The following PHTF2 variants were observed in gnomAD, a reference collection of about 807,000 sequenced individuals.
The protein encoded by PHTF2 is protein PHTF2.
PHTF2 carries 60 observed loss-of-function variants against 101.2 expected under a neutral mutation model. That is an observed-to-expected ratio of 0.59 (90% CI 0.48 to 0.73). The LOEUF is 0.73. PHTF2 is among the 30% of genes least tolerant of loss of function. PHTF2 has a pLI of 0.00. For missense variants in PHTF2, 747 were observed against 908.7 expected, an observed-to-expected ratio of 0.82 and a Z score of 2.29; for synonymous variants, 311 against 307.3, an observed-to-expected ratio of 1.01 and a Z score of -0.13.
chr7:77,823,165 A>G (rs1167514977), intron 1 of PHTF2, among the ~76,000 whole-genome samples: 1 of 151,182 alleles, frequency 6.6e-6, no homozygotes, highest in Non-Finnish European at 1.5e-5. Flanking sequence ...CGGCCTCCCA[A>G]AGTGCTGGGA....
At chr7:77,854,851 C>T in intron 3 of PHTF2, 2 of 752,914 alleles carry the variant, frequency 2.7e-6, no homozygotes, top group Non-Finnish European at 4.9e-6. Flanking sequence ...AATGCCAGGC[C>T]TGTTCTCTCT....
At chr7:77,952,628 T>A (rs946683668) in intron 18 of PHTF2, among the ~76,000 whole-genome samples, 6 of 152,204 alleles carry the variant, frequency 3.9e-5, no homozygotes, top group African/African-American at 1.4e-4. Context: ...TTGTGTTTGC[T>A]TGACACATGT....
intron 3 of PHTF2, among the ~76,000 whole-genome samples, chr7:77,892,844 G>A (rs992142891): frequency 6.6e-6 from 1 of 152,172 alleles, no homozygotes; most frequent in African/African-American, 2.4e-5. Context: ...ATTTTCCTGT[G>A]TCTTCAATCA....
At chr7:77,821,421 T>C (rs1794281082) in intron 1 of PHTF2, among the ~76,000 whole-genome samples, 1 of 152,288 alleles carries the variant, frequency 6.6e-6, no homozygotes, top group African/African-American at 2.4e-5. Flanking sequence ...TCATTAAATA[T>C]GTTTCCTTAC....
At chr7:77,842,553 T>A (rs1795972926) in intron 2 of PHTF2, among the ~76,000 whole-genome samples, 1 of 152,048 alleles carries the variant, frequency 6.6e-6, no homozygotes, top group African/African-American at 2.4e-5. Flanking sequence ...CAAGGATTAT[T>A]GCAAAAAAAA....
chr7:77,811,871 A>G (rs1562832497), intron 1 of PHTF2, among the ~76,000 whole-genome samples: 1 of 152,172 alleles, frequency 6.6e-6, no homozygotes. Context: ...GTATATATGT[A>G]TACGGATGAG....
chr7:77,956,987 T>C (rs986703822), exon 20 of PHTF2: 20 of 152,194 alleles, frequency 1.3e-4, no homozygotes, highest in African/African-American at 3.9e-4. Context: ...GAAAATGTCA[T>C]GTTAAGCAAT....
intron 9 of PHTF2, among the ~76,000 whole-genome samples, chr7:77,910,719 G>A (rs1437825952): frequency 1.3e-5 from 2 of 151,974 alleles, no homozygotes; most frequent in Non-Finnish European, 2.9e-5. Flanking sequence ...TCGGCTCACT[G>A]CATCCTCTAC....
intron 7 of PHTF2, among the ~76,000 whole-genome samples, chr7:77,904,722 G>C (rs1007269168): frequency 6.6e-6 from 1 of 152,210 alleles, no homozygotes; most frequent in Non-Finnish European, 1.5e-5. Flanking sequence ...TTACGAATCT[G>C]TTTAACCTTT....
exon 20 of PHTF2, chr7:77,955,551 TG>T (rs1163033674): frequency 6.6e-6 from 1 of 152,642 alleles, no homozygotes; most frequent in East Asian, 1.9e-4. Context: ...TTTGAAACAC[TG>T]GGCTGTTTGC....
chr7:77,866,954 A>C (rs930450446), intron 3 of PHTF2, among the ~76,000 whole-genome samples: 3 of 152,180 alleles, frequency 2.0e-5, no homozygotes, highest in African/African-American at 7.2e-5. Flanking sequence ...TTTCCTTGTC[A>C]CATGCTGCAA....
chr7:77,949,872 A>T, intron 17 of PHTF2, 39 bp downstream of exon 16: 1 of 1,052,148 alleles, frequency 9.5e-7, no homozygotes. Context: ...ATTAATGTCT[A>T]TAAGTTAAAA....
At chr7:77,891,037 A>G (rs1391513464) in intron 3 of PHTF2, among the ~76,000 whole-genome samples, 2 of 150,098 alleles carry the variant, frequency 1.3e-5, no homozygotes, top group African/African-American at 4.9e-5. Context: ...CCTCCTGAGT[A>G]GCTGGGACTA....
exon 20 of PHTF2, chr7:77,955,429 A>G (rs1806933798): frequency 6.6e-6 from 1 of 152,622 alleles, no homozygotes; most frequent in African/African-American, 2.4e-5. Flanking sequence ...GTATTATATA[A>G]CAGGTCAACA....
intron 2 of PHTF2, among the ~76,000 whole-genome samples, chr7:77,842,911 A>G (rs1795998801): frequency 6.6e-6 from 1 of 152,248 alleles, no homozygotes; most frequent in Admixed American, 6.5e-5. Flanking sequence ...ATTAATGAGC[A>G]TGGCTGTGTT....
intron 1 of PHTF2, among the ~76,000 whole-genome samples, chr7:77,809,979 A>G (rs1270350316): frequency 6.6e-6 from 1 of 152,214 alleles, no homozygotes; most frequent in Admixed American, 6.5e-5. Flanking sequence ...TATTAAGTCA[A>G]TAGTTGGTAT....
At chr7:77,889,213 T>TCCAG (rs879832200) in intron 3 of PHTF2, among the ~76,000 whole-genome samples, 6 of 152,174 alleles carry the variant, frequency 3.9e-5, no homozygotes, top group Admixed American at 6.5e-5. Context: ...AGAGCTTGAC[T>TCCAG]CCAGCCACAG....
chr7:77,821,597 A>C (rs544170526), intron 1 of PHTF2, among the ~76,000 whole-genome samples: 44 of 151,958 alleles, frequency 2.9e-4, no homozygotes, highest in African/African-American at 9.6e-4. Context: ...GGCCCTTGAC[A>C]TGGCTTCACA....
rs555879461 is a variant in PHTF2, at chr7:77,882,696, A to G, written c.148-10912A>G. ...TGGTTTGGCCTTTCATTATGTTTTT[A>G]GAGTTTTAAAAAAAGATTGATTCAG... On this transcript the variant is annotated intron_variant, in intron 3 of 19. Coordinates refer to ENST00000416283, the Ensembl canonical transcript of PHTF2. 5.9e-5 allele frequency among the ~76,000 whole-genome samples: 9 copies of G among 152,288 alleles called. No individual in the cohort carries two copies. The East Asian group carries it at 1.7e-3, about 29-fold the overall frequency.
Sources: allele counts gnomAD v4.1 joint callset (sites outside exome capture counted in the v4.1 genomes callset), GRCh38; gene constraint gnomAD v4.1.1; transcripts MANE v1.5; gene names NCBI Gene and HGNC (gene_info 2026-07-23, HGNC 2026-07-21).